The following PPARGC1B variants were observed in gnomAD, a reference collection of about 807,000 sequenced individuals.
PPARGC1B encodes peroxisome proliferator-activated receptor gamma coactivator 1-beta.
Under a neutral mutation model 101.6 loss-of-function variants are expected in PPARGC1B, and 34 were observed. The observed-to-expected ratio is 0.33, with a 90% CI of 0.25 to 0.45. The LOEUF (loss-of-function observed/expected upper bound fraction) is 0.45, where lower values mean the gene tolerates loss of function less well. Among genes scored for constraint, PPARGC1B ranks in the 20% least tolerant of loss-of-function variants. PPARGC1B has a pLI of 1.00. For missense variants in PPARGC1B, 1,234 were observed against 1,317.6 expected (o/e 0.94, Z 0.98); for synonymous variants, 548 against 539.3 (o/e 1.02, Z -0.22).
intron 1 of PPARGC1B, among the ~76,000 whole-genome samples, chr5:149,772,290 T>C (rs1756163096): frequency 6.6e-6 from 1 of 152,088 alleles, no homozygotes; most frequent in Non-Finnish European, 1.5e-5. Context: ...GGTACGGTAG[T>C]GTGCGTGATG....
intron 1 of PPARGC1B, among the ~76,000 whole-genome samples, chr5:149,800,795 G>T (rs144550502): frequency 6.6e-6 from 1 of 152,314 alleles, no homozygotes; most frequent in East Asian, 1.9e-4. Context: ...AAAATAGCCT[G>T]GAAGTGCAAG....
At position 149,850,199 on chromosome 5, in the gene PPARGC1B, T is replaced by G. The variant is rs1460556933; in HGVS notation, c.*2641T>G. 6.6e-6 allele frequency: 1 copy of G among 152,264 alleles called. No homozygotes were observed. Among genetic ancestry groups the G allele is most frequent in the Non-Finnish European group, 1.5e-5 (1 of 68,064 alleles). 9.4% of individuals were successfully genotyped at this position (152,264 alleles called of 1,614,324 possible). Reference sequence around the variant, plus strand: ...GATCTCTTAGCCCCTCCTATTTGCTTCTTCCTTGATTGCTCTTGGTCAAAG... The same window carrying G: ...GATCTCTTAGCCCCTCCTATTTGCTGCTTCCTTGATTGCTCTTGGTCAAAG... On this transcript the variant is annotated 3_prime_UTR_variant, in exon 12 of 12. Coordinates refer to ENST00000309241, the MANE Select transcript of PPARGC1B (RefSeq NM_133263.4).
chr5:149,792,512 T>A (rs1311414166), intron 1 of PPARGC1B, among the ~76,000 whole-genome samples: 1 of 152,186 alleles, frequency 6.6e-6, no homozygotes, highest in Non-Finnish European at 1.5e-5. Context: ...ATTCTTGATT[T>A]CATTTAAGGA....
At chr5:149,839,439 G>T (rs887224315) in intron 8 of PPARGC1B, among the ~76,000 whole-genome samples, 2 of 152,216 alleles carry the variant, frequency 1.3e-5, no homozygotes, top group Admixed American at 6.5e-5. Flanking sequence ...GAAGGCTGCA[G>T]GTGGGTGGCA....
intron 2 of PPARGC1B, among the ~76,000 whole-genome samples, chr5:149,823,049 A>AG (rs1258442196): frequency 6.6e-6 from 1 of 152,258 alleles, no homozygotes; most frequent in Non-Finnish European, 1.5e-5. Flanking sequence ...CCTCAGGGAC[A>AG]GGGACGTTGC....
chr5:149,808,285 AT>A (rs925870922), intron 1 of PPARGC1B, among the ~76,000 whole-genome samples: 69 of 152,000 alleles, frequency 4.5e-4, no homozygotes, highest in Admixed American at 4.3e-3. Flanking sequence ...CCACCTCCCA[AT>A]TTCTGTGAAC....
In PPARGC1B at chr5:149,837,318, C is replaced by G. The variant is rs542152222; in HGVS notation, c.2618+245C>G. ...AGAGTGTCCCAAACATCCTGGCCTC[C>G]AGAAAGAAAGAAAACCCACTCCTGG... On this transcript the variant is annotated intron_variant, in intron 8 of 11. Transcript: ENST00000309241. This position sits in a 1 kb window ranked among gnomAD's most constrained non-coding sequence, Gnocchi z 4.2. 6.6e-6 allele frequency among the ~76,000 whole-genome samples: 1 copy of G among 152,252 alleles called. No individual in the cohort carries two copies. The highest frequency in any genetic ancestry group is 2.4e-5 in the African/African-American group (1 of 41,554).
rs1276175854 is a variant in PPARGC1B, at chr5:149,849,587, A to G, written c.*2029A>G. ...CCTGAAATCAGTGCTCTGGTAAGTC[A>G]TTACTAATTGATTAGAGTTCAATCT... is the stretch of plus-strand genomic sequence containing the variant. On this transcript the variant is annotated 3_prime_UTR_variant, in exon 12 of 12. Transcript: ENST00000309241. 6.6e-6 allele frequency: 1 copy of G among 152,246 alleles called. No homozygotes were observed. The highest frequency in any genetic ancestry group is 1.5e-5 in the Non-Finnish European group (1 of 68,042). 9.4% of individuals were successfully genotyped at this position (152,246 alleles called of 1,614,324 possible).
At chr5:149,754,840 G>C (rs1332549274) in intron 1 of PPARGC1B, among the ~76,000 whole-genome samples, 6 of 143,252 alleles carry the variant, frequency 4.2e-5, no homozygotes, top group Non-Finnish European at 9.0e-5. Context: ...GGAGTGCAGT[G>C]GTGTGATCTC....
At chr5:149,807,653 C>G (rs1202443738) in intron 1 of PPARGC1B, among the ~76,000 whole-genome samples, 1 of 152,182 alleles carries the variant, frequency 6.6e-6, no homozygotes, top group Non-Finnish European at 1.5e-5. Flanking sequence ...TGCCACCCCC[C>G]ATCCTGGCAG....
intron 1 of PPARGC1B, among the ~76,000 whole-genome samples, chr5:149,785,798 A>G (rs1756781480): frequency 6.6e-6 from 1 of 152,176 alleles, no homozygotes; most frequent in South Asian, 2.1e-4. Context: ...ATGAGGCCAG[A>G]GAATAGAATG....
At chr5:149,803,940 C>T (rs955351509) in intron 1 of PPARGC1B, among the ~76,000 whole-genome samples, 3 of 152,250 alleles carry the variant, frequency 2.0e-5, no homozygotes, top group Non-Finnish European at 4.4e-5. Context: ...CCCTTGGCCT[C>T]TGGCCCTCAC....
chr5:149,750,190 G>T (rs1474671796), intron 1 of PPARGC1B, among the ~76,000 whole-genome samples: 3 of 151,962 alleles, frequency 2.0e-5, no homozygotes, highest in Admixed American at 2.0e-4. Flanking sequence ...CCAGGCAAGA[G>T]AATCCCTGAT....
At chr5:149,751,416 C>T (rs1755297135) in intron 1 of PPARGC1B, among the ~76,000 whole-genome samples, 1 of 152,018 alleles carries the variant, frequency 6.6e-6, no homozygotes, top group Non-Finnish European at 1.5e-5. Flanking sequence ...GTAAAGAAAA[C>T]TAATCCCGGC....
At chr5:149,830,598 A>G (rs1758741398) in intron 3 of PPARGC1B, among the ~76,000 whole-genome samples, 169 bp from the exon 4 acceptor site, 1 of 152,236 alleles carries the variant, frequency 6.6e-6, no homozygotes, top group South Asian at 2.1e-4. Context: ...ACAATCTACC[A>G]TCTGCACCTA....
At position 149,836,545 on chromosome 5, in the gene PPARGC1B, T is replaced by A; in HGVS notation, c.2090T>A (p.Val697Glu). 2 of 1,613,946 alleles carry A rather than the reference T, an allele frequency of 1.2e-6. No homozygotes were observed. Among genetic ancestry groups the A allele is most frequent in the Non-Finnish European group, 1.7e-6 (2 of 1,180,040 alleles). The stretch of plus-strand genomic sequence containing the variant: ...TTTGGAGACCATGACTACTGCCAGG[T>A]GCTCCGACCAGAAGGCGTCCTGCAA... Reference protein sequence around the residue: ...CSFGDHDYCQVLRPEGVLQRK... With the variant: ...CSFGDHDYCQELRPEGVLQRK... The change falls in exon 8 of 12, where the codon GTG becomes GAG. Residue 697 changes from valine (V) to glutamate (E), a missense_variant. Val to Glu is a moderately radical substitution (Grantham distance 121). This residue lies in a region of PPARGC1B where 497 missense variants were observed against 529.5 expected (regional missense o/e 0.94). Coordinates refer to ENST00000309241, the MANE Select transcript of PPARGC1B (RefSeq NM_133263.4).
chr5:149,758,586 C>A (rs1161400711), intron 1 of PPARGC1B, among the ~76,000 whole-genome samples: 1 of 152,212 alleles, frequency 6.6e-6, no homozygotes, highest in Non-Finnish European at 1.5e-5. Context: ...CCTGTGTCAT[C>A]ATGTGCCCCA....
At chr5:149,771,968 C>T in intron 1 of PPARGC1B, 1 of 1,348,596 alleles carries the variant, frequency 7.4e-7, no homozygotes, top group Non-Finnish European at 9.8e-7. Context: ...TCAAGCAACT[C>T]TGAATTAGTT....
intron 1 of PPARGC1B, among the ~76,000 whole-genome samples, chr5:149,757,696 G>C (rs1253475588): frequency 1.3e-5 from 2 of 152,232 alleles, no homozygotes; most frequent in Non-Finnish European, 2.9e-5. Context: ...GAGCTGCAGA[G>C]AGTGGAGGTC....
Sources: allele counts gnomAD v4.1 joint callset (sites outside exome capture counted in the v4.1 genomes callset), GRCh38; gene constraint gnomAD v4.1.1; regional missense constraint gnomAD v4.1.1; non-coding constraint Gnocchi (gnomAD v3.1); transcripts MANE v1.5; gene names NCBI Gene and HGNC (gene_info 2026-07-23, HGNC 2026-07-21).